The following ROBO2 variants were observed in gnomAD, a reference collection of about 807,000 sequenced individuals.
ROBO2 encodes the protein roundabout homolog 2.
In ROBO2, 53 loss-of-function variants were observed where a neutral mutation model predicts 160.8. The observed-to-expected ratio is 0.33, with a 90% CI of 0.26 to 0.41. ROBO2 has a LOEUF of 0.41. Among genes scored for constraint, ROBO2 ranks in the 10% least tolerant of loss-of-function variants. ROBO2 has a pLI of 1.00. For missense variants in ROBO2, 1,577 were observed against 1,722.4 expected, an observed-to-expected ratio of 0.92 and a Z score of 1.49; for synonymous variants, 664 against 611.7, an observed-to-expected ratio of 1.09 and a Z score of -1.26.
At chr3:76,560,021 T>G (rs925778558) in intron 2 of ROBO2, among the ~76,000 whole-genome samples, 1 of 152,122 alleles carries the variant, frequency 6.6e-6, no homozygotes, top group African/African-American at 2.4e-5. Context: ...ATAGTTTTGA[T>G]TGCTTTCTTT....
At chr3:77,291,420 T>G (rs533294479) in intron 2 of ROBO2, among the ~76,000 whole-genome samples, 2 of 150,488 alleles carry the variant, frequency 1.3e-5, no homozygotes, top group African/African-American at 2.5e-5. Context: ...GTTAAACGGG[T>G]AAGCTGAGGC....
At chr3:77,338,228 C>T (rs1313625511) in intron 2 of ROBO2, among the ~76,000 whole-genome samples, 1 of 152,134 alleles carries the variant, frequency 6.6e-6, no homozygotes, top group Non-Finnish European at 1.5e-5. Flanking sequence ...TAGTATTTTA[C>T]TTCAGCATTT....
intron 2 of ROBO2, among the ~76,000 whole-genome samples, chr3:76,303,578 A>G (rs528974352): frequency 5.4e-5 from 8 of 147,922 alleles, no homozygotes; most frequent in South Asian, 4.5e-4. Context: ...GATTATTCCA[A>G]TGAAACCACC....
chr3:77,169,950 T>C (rs2079472369), intron 2 of ROBO2, among the ~76,000 whole-genome samples: 1 of 152,108 alleles, frequency 6.6e-6, no homozygotes, highest in Non-Finnish European at 1.5e-5. Flanking sequence ...TCTTGATGGC[T>C]TCCTTTCTTT....
chr3:76,833,871 A>G (rs771402928), intron 2 of ROBO2, among the ~76,000 whole-genome samples: 9 of 152,008 alleles, frequency 5.9e-5, no homozygotes, highest in Non-Finnish European at 8.8e-5. Flanking sequence ...GTGTTTTTGC[A>G]CTGGGTGGAT....
At chr3:76,531,418 T>C (rs2082217652) in intron 2 of ROBO2, among the ~76,000 whole-genome samples, 1 of 152,152 alleles carries the variant, frequency 6.6e-6, no homozygotes, top group African/African-American at 2.4e-5. Context: ...TGCCTTCTAA[T>C]CTCATTCAAA....
chr3:76,186,051 G>A (rs1358563489), intron 2 of ROBO2, among the ~76,000 whole-genome samples: 3 of 150,316 alleles, frequency 2.0e-5, no homozygotes, highest in East Asian at 2.0e-4. Flanking sequence ...CTTCCACATC[G>A]GCCTCCCAAG....
In ROBO2 at chr3:76,047,340, A is replaced by G. The variant is rs2067484956; in HGVS notation, c.109+109738A>G. On this transcript the variant is annotated intron_variant, in intron 2 of 26. Coordinates refer to the ROBO2 transcript ENST00000487694. Reference sequence around the variant, plus strand: ...AAGAACCAAAAATATTCTTTTAAGGATAATATTTGATCCTCTGCATCCGTT... The same window carrying G: ...AAGAACCAAAAATATTCTTTTAAGGGTAATATTTGATCCTCTGCATCCGTT... Among the ~76,000 whole-genome samples the G allele has an allele frequency of 2.0e-5, 3 of 152,182 alleles. No individual in the cohort carries two copies. The South Asian group carries it at 6.2e-4, about 31-fold the overall frequency.
intron 2 of ROBO2, among the ~76,000 whole-genome samples, chr3:76,569,805 A>G (rs947616769): frequency 6.6e-6 from 1 of 152,126 alleles, no homozygotes; most frequent in Non-Finnish European, 1.5e-5. Flanking sequence ...TTTTATGCTT[A>G]TTAAAGGACC....
At chr3:77,236,354 C>A (rs79946029) in intron 2 of ROBO2, among the ~76,000 whole-genome samples, 1 of 152,160 alleles carries the variant, frequency 6.6e-6, no homozygotes, top group Non-Finnish European at 1.5e-5. Context: ...AGAGAACAGA[C>A]GGTAAATGTT....
intron 2 of ROBO2, among the ~76,000 whole-genome samples, chr3:76,910,330 G>C (rs543018484): frequency 6.6e-6 from 1 of 151,990 alleles, no homozygotes; most frequent in Non-Finnish European, 1.5e-5. Flanking sequence ...TGCTAAACAC[G>C]AGGCTATTCA....
At chr3:77,587,150 C>T (rs544891421) in intron 16 of ROBO2, among the ~76,000 whole-genome samples, 1 of 152,194 alleles carries the variant, frequency 6.6e-6, no homozygotes, top group African/African-American at 2.4e-5. Context: ...GGTTTTGGAT[C>T]TTTCAAATCA....
At chr3:76,081,579 T>A (rs962705796) in intron 2 of ROBO2, among the ~76,000 whole-genome samples, 13 of 152,136 alleles carry the variant, frequency 8.5e-5, no homozygotes, top group Non-Finnish European at 1.8e-4. Flanking sequence ...GAAGCAGAAA[T>A]GAATTCAACA....
chr3:76,569,896 C>T (rs573721149), intron 2 of ROBO2, among the ~76,000 whole-genome samples: 52 of 152,138 alleles, frequency 3.4e-4, no homozygotes, highest in Admixed American at 7.9e-4. Context: ...AGGCCAAGGC[C>T]GGAAGATTGC....
At chr3:77,209,749 A>G (rs982769456) in intron 2 of ROBO2, among the ~76,000 whole-genome samples, 1 of 152,152 alleles carries the variant, frequency 6.6e-6, no homozygotes, top group African/African-American at 2.4e-5. Context: ...TAGATAGTAG[A>G]TCCAAAATGC....
rs144120223 is a variant in ROBO2 at position 76,555,790 on chromosome 3, A to G, written c.110-542224A>G. 2.5e-3 allele frequency among the ~76,000 whole-genome samples: 379 copies of G among 152,254 alleles called. 3 individuals are homozygous for G. Among genetic ancestry groups the G allele is most frequent in the African/African-American group, 8.6e-3 (357 of 41,560 alleles). Reference sequence around the variant, plus strand: ...CAAAGGGTGGTTTAATGACCAAAAGAAAAACTCTGGCCAGGCATTGTGTCT... The same window carrying G: ...CAAAGGGTGGTTTAATGACCAAAAGGAAAACTCTGGCCAGGCATTGTGTCT... On this transcript the variant is annotated intron_variant, in intron 2 of 26. Coordinates refer to the ROBO2 transcript ENST00000487694.
chr3:77,129,053 ATTTATG>A (rs1340562870), intron 2 of ROBO2, among the ~76,000 whole-genome samples: 2 of 151,980 alleles, frequency 1.3e-5, no homozygotes, highest in Non-Finnish European at 2.9e-5. Context: ...TGAATTGCCT[ATTTATG>A]TTTAAGTGTT....
At chr3:76,003,198 C>T (rs1373593632) in intron 2 of ROBO2, among the ~76,000 whole-genome samples, 1 of 152,126 alleles carries the variant, frequency 6.6e-6, no homozygotes, top group South Asian at 2.1e-4. Flanking sequence ...TGACCCTATG[C>T]CCTCTCTTAA....
intron 1 of ROBO2, among the ~76,000 whole-genome samples, chr3:75,923,572 A>G (rs1311608270): frequency 6.6e-6 from 1 of 152,226 alleles, no homozygotes; most frequent in Non-Finnish European, 1.5e-5. Flanking sequence ...ACCATGGAGA[A>G]AAATAACTGT....
Sources: allele counts gnomAD v4.1 joint callset (sites outside exome capture counted in the v4.1 genomes callset), GRCh38; gene constraint gnomAD v4.1.1; transcripts MANE v1.5; gene names NCBI Gene and HGNC (gene_info 2026-07-23, HGNC 2026-07-21).